CPNE8: variants seen among roughly 807,000 people sequenced by gnomAD.
CPNE8 encodes the protein copine 8.
Under a neutral mutation model 81.5 loss-of-function variants are expected in CPNE8, and 45 were observed. That is an observed-to-expected ratio of 0.55 (90% CI 0.44 to 0.71). The LOEUF (loss-of-function observed/expected upper bound fraction) is 0.71. CPNE8 is among the 30% of genes least tolerant of loss of function. The pLI is 0.00. For missense variants in CPNE8, 594 were observed against 672.1 expected (o/e 0.88, Z 1.28); for synonymous variants, 252 against 226.3 (o/e 1.11, Z -1.02).
chr12:38,860,073 T>G (rs1943806653), intron 3 of CPNE8, among the ~76,000 whole-genome samples: 2 of 151,954 alleles, frequency 1.3e-5, no homozygotes, highest in African/African-American at 4.8e-5. Context: ...TAACTCAAAT[T>G]AAAAAGCTTT....
chr12:38,653,621 A>AAAAAAAAAAAG lies in CPNE8; in HGVS notation c.*260_*261insCTTTTTTTTTT. The AAAAAAAAAAAG allele has an allele frequency of 3.7e-6, 1 of 270,614 alleles. No individual in the cohort carries two copies. The highest frequency in any genetic ancestry group is 2.4e-5 in the African/African-American group (1 of 42,110). The allele number at this position is 270,614 out of a possible 1,614,324, so 16.8% of individuals were successfully genotyped here. A position where few individuals can be genotyped will look rare whatever the true frequency, so the allele number is the denominator to read the frequency against. The stretch of plus-strand genomic sequence containing the variant: ...TTGGAAATTAGCTGTTTCTGTTAAA[A>AAAAAAAAAAAG]AAAAAAAGAAAGAAAGATTTAGAGA... On this transcript the variant is annotated 3_prime_UTR_variant, in exon 20 of 20. Coordinates refer to ENST00000331366, the MANE Select transcript of CPNE8 (RefSeq NM_153634.3).
intron 6 of CPNE8, among the ~76,000 whole-genome samples, chr12:38,820,600 C>T (rs543408695): frequency 3.0e-4 from 45 of 152,100 alleles, no homozygotes; most frequent in African/African-American, 7.2e-4. Context: ...TGAGAATGTT[C>T]GCTGAATCTA....
chr12:38,819,249 G>T lies in CPNE8; in HGVS notation c.407+10130C>A, dbSNP rs536184943. 2.6e-5 allele frequency among the ~76,000 whole-genome samples: 4 copies of T among 152,198 alleles called. No individual in the cohort carries two copies. The South Asian group carries it at 8.3e-4, about 32-fold the overall frequency. ...ATCGTATTGTCTAGGTTTTATTCTA[G>T]GGTTTTTATGGTTTTAGGTTTTACA... On this transcript the variant is annotated intron_variant, in intron 6 of 19. Coordinates refer to ENST00000331366, the MANE Select transcript of CPNE8 (RefSeq NM_153634.3).
rs113039305 is a variant in CPNE8 at position 38,828,320 on chromosome 12, T to C, written c.407+1059A>G. On this transcript the variant is annotated intron_variant, in intron 6 of 19. Coordinates refer to ENST00000331366, the MANE Select transcript of CPNE8 (RefSeq NM_153634.3). ...TTTTGTAATAAGCTTCCAAGTCCTA[T>C]AATTATGTGAAAATAAATTACACAC... Among the ~76,000 whole-genome samples the C allele has an allele frequency of 5.9e-3, 904 of 152,290 alleles. 12 individuals carry two copies. The highest frequency in any genetic ancestry group is 0.021 in the African/African-American group (862 of 41,576).
At chr12:38,802,662 G>T (rs906614305) in intron 6 of CPNE8, among the ~76,000 whole-genome samples, 2 of 151,774 alleles carry the variant, frequency 1.3e-5, no homozygotes, top group African/African-American at 4.8e-5. Context: ...TAAAATCAGA[G>T]CAGAACTGAA....
intron 6 of CPNE8, among the ~76,000 whole-genome samples, chr12:38,821,511 G>A (rs1943109927): frequency 6.6e-6 from 1 of 152,098 alleles, no homozygotes; most frequent in Non-Finnish European, 1.5e-5. Flanking sequence ...GGGCTTATTT[G>A]CACACAAGTC....
intron 4 of CPNE8, among the ~76,000 whole-genome samples, chr12:38,845,077 C>T (rs1030405460): frequency 1.3e-5 from 2 of 152,004 alleles, no homozygotes; most frequent in Non-Finnish European, 2.9e-5. Flanking sequence ...ACTTGGGAGT[C>T]ACAAACACCT....
Position 38,730,274 on chromosome 12 carries a change from G to C in CPNE8, c.798+9C>G, listed in dbSNP as rs1592044567. ...GAAAAAAACAATGGTAAAATAAAATGCCTCTTACCTCATATACGTTGAATT... is the reference window on the plus strand; with the variant it reads ...GAAAAAAACAATGGTAAAATAAAATCCCTCTTACCTCATATACGTTGAATT... On this transcript the variant is annotated intron_variant, in intron 11 of 19. Transcript: ENST00000331366. 6.7e-7 allele frequency: 1 copy of C among 1,487,884 alleles called. No individual in the cohort carries two copies. The allele number at this position is 1,487,884 out of a possible 1,614,324, so 92.2% of individuals were successfully genotyped here.
upstream of CPNE8, chr12:38,906,051 C>T (rs146947533): frequency 5.3e-3 from 5,243 of 986,842 alleles, 23 homozygotes; most frequent in Admixed American, 7.3e-3. Flanking sequence ...TCGAAGTTTC[C>T]TCGCCTGAGT....
At position 38,866,891 on chromosome 12, in the gene CPNE8, C is replaced by T. The variant is rs561052171; in HGVS notation, c.186+6113G>A. Among the ~76,000 whole-genome samples, 133 of 152,204 alleles carry T rather than the reference C, an allele frequency of 8.7e-4. 1 individual carries two copies. Among genetic ancestry groups the T allele is most frequent in the African/African-American group, 3.1e-3 (127 of 41,536 alleles). On this transcript the variant is annotated intron_variant, in intron 3 of 19. Transcript: ENST00000331366. ...ACATTTTTTTTTAAACAAAGTATCG[C>T]TCTGTCACCCAGGCTGGAGTGCAAT...
intron 12 of CPNE8, 140 bp from the exon 13 acceptor site, chr12:38,723,973 C>A (rs976678559): frequency 1.8e-6 from 1 of 549,060 alleles, no homozygotes; most frequent in Non-Finnish European, 3.2e-6. Flanking sequence ...TCTGCTAGGA[C>A]TGATTGTTCT....
chr12:38,653,893 T>C lies in CPNE8; in HGVS notation c.1684A>G (p.Thr562Ala). The part of the protein sequence containing the change: ...PYTPPTHVLQ[T>A]QI ...ATTTCAGAGCACAGTCATATTTGAG[T>C]CTGTAACACATGTGTAGGTGGGGTG... The change falls in exon 20 of 20, where the codon ACT (threonine) becomes GCT (alanine). Residue 562 changes from threonine to alanine, a missense_variant. Transcript: ENST00000331366. The C allele has an allele frequency of 6.2e-7, 1 of 1,612,340 alleles. No homozygotes were observed. The highest frequency in any genetic ancestry group is 8.5e-7 in the Non-Finnish European group (1 of 1,179,588).
intron 3 of CPNE8, among the ~76,000 whole-genome samples, chr12:38,869,189 C>T (rs1943956254): frequency 6.6e-6 from 1 of 152,150 alleles, no homozygotes; most frequent in Non-Finnish European, 1.5e-5. Flanking sequence ...TCCCATAAGT[C>T]ATTTTCCCAT....
At chr12:38,854,163 A>G (rs1187666967) in intron 3 of CPNE8, among the ~76,000 whole-genome samples, 1 of 151,972 alleles carries the variant, frequency 6.6e-6, no homozygotes, top group Non-Finnish European at 1.5e-5. Context: ...ATTTAGGACT[A>G]TAAATATCCA....
intron 13 of CPNE8, among the ~76,000 whole-genome samples, chr12:38,722,399 C>T (rs1940588517): frequency 6.6e-6 from 1 of 152,016 alleles, no homozygotes. Flanking sequence ...AGGTATTTTG[C>T]TTGTTTGTTT....
At chr12:38,737,392 C>A (rs569752584) in intron 10 of CPNE8, among the ~76,000 whole-genome samples, 1 of 151,996 alleles carries the variant, frequency 6.6e-6, no homozygotes, top group Admixed American at 6.6e-5. Context: ...GTAGACAAGA[C>A]AAAATAAATT....
chr12:38,830,438 C>A (rs1022843654), intron 5 of CPNE8, among the ~76,000 whole-genome samples: 1 of 152,132 alleles, frequency 6.6e-6, no homozygotes, highest in African/African-American at 2.4e-5. Flanking sequence ...AAGTACAGTG[C>A]AAACTCATAT....
intron 15 of CPNE8, 30 bp downstream of exon 15, chr12:38,693,627 A>C (rs778877068): frequency 7.7e-5 from 121 of 1,577,374 alleles, no homozygotes; most frequent in Non-Finnish European, 9.5e-5. Context: ...TAATTTTTCA[A>C]AACATCAAAT....
chr12:38,657,935 T>C (rs543960581), intron 19 of CPNE8, among the ~76,000 whole-genome samples: 1 of 152,134 alleles, frequency 6.6e-6, no homozygotes, highest in South Asian at 2.1e-4. Flanking sequence ...ACCACAAAGA[T>C]GGGGAGAAAC....
Sources: allele counts gnomAD v4.1 joint callset (sites outside exome capture counted in the v4.1 genomes callset), GRCh38; gene constraint gnomAD v4.1.1; transcripts MANE v1.5; gene names NCBI Gene and HGNC (gene_info 2026-07-23, HGNC 2026-07-21).